The following NEGR1 variants were observed in gnomAD, a reference collection of about 807,000 sequenced individuals.
The protein encoded by NEGR1 is neuronal growth regulator 1, also known as IgLON family member 4.
In NEGR1, 10 loss-of-function variants were observed where a neutral mutation model predicts 40.9. The ratio of observed to expected loss-of-function variants is 0.24; its 90% CI spans 0.15 to 0.42. The LOEUF (loss-of-function observed/expected upper bound fraction) is 0.42, where lower values mean the gene tolerates loss of function less well. Ranked by LOEUF, NEGR1 falls within the 10% of genes least tolerant of loss-of-function variation. The pLI, the probability that NEGR1 is intolerant of heterozygous loss-of-function variation, is 1.00. For synonymous variants in NEGR1, 185 were observed against 166.8 expected (o/e 1.11, Z -0.84); for missense variants, 352 against 438.9 (o/e 0.80, Z 1.77).
rs74847442 is a variant in NEGR1, at chr1:72,114,947, A to T, written c.176+167372T>A. On this transcript the variant is annotated intron_variant, in intron 1 of 6. Transcript: ENST00000357731. ...TTTTTGAACAAAGTTGAGTATTGTA[A>T]CAAGACACCGTGTTATATTTGTCAC... Among the ~76,000 whole-genome samples, 969 of 151,876 alleles carry T rather than the reference A, an allele frequency of 6.4e-3. 12 individuals are homozygous for T. The highest frequency in any genetic ancestry group is 0.022 in the African/African-American group (926 of 41,502).
Position 71,592,879 on chromosome 1 carries a change from C to T in NEGR1, c.878G>A (p.Gly293Asp). Residue 293 changes from glycine (G) to aspartate (D), a missense_variant, in exon 6 of 7, where the codon GGC becomes GAC. This residue lies in a region of NEGR1 where 184 missense variants were observed against 208.7 expected (regional missense o/e 0.88). Transcript: ENST00000357731. ...GTTGGCAGCCACACAGGTATAATTG[C>T]CGAAGTGCTCCTGTGTCACGTTGGT... Reference protein sequence around the residue: ...TVTNVTQEHFGNYTCVAANKL... With the variant: ...TVTNVTQEHFDNYTCVAANKL... 1 of 1,612,766 alleles carries T rather than the reference C, an allele frequency of 6.2e-7. No homozygotes were observed.
intron 2 of NEGR1, among the ~76,000 whole-genome samples, chr1:71,872,619 C>A (rs1428085204): frequency 4.6e-5 from 7 of 152,178 alleles, no homozygotes; most frequent in African/African-American, 1.7e-4. Flanking sequence ...GGACATGCAA[C>A]ATGAGCAAGA....
chr1:72,125,776 G>C (rs1416700321), intron 1 of NEGR1, among the ~76,000 whole-genome samples: 2 of 152,016 alleles, frequency 1.3e-5, no homozygotes, highest in African/African-American at 4.8e-5. Context: ...TTTTGAATTG[G>C]ACAGACCCTC....
At chr1:72,055,310 T>C (rs1431172020) in intron 1 of NEGR1, among the ~76,000 whole-genome samples, 1 of 151,234 alleles carries the variant, frequency 6.6e-6, no homozygotes, top group African/African-American at 2.4e-5. Context: ...ACAAGGCATT[T>C]ACAGTTAGTT....
chr1:72,153,439 A>G (rs1651242318), intron 1 of NEGR1, among the ~76,000 whole-genome samples: 1 of 151,950 alleles, frequency 6.6e-6, no homozygotes, highest in South Asian at 2.1e-4. Context: ...ACAAAGACCC[A>G]AGTTAAAAAC....
chr1:71,637,145 T>A (rs1651181264), intron 4 of NEGR1, among the ~76,000 whole-genome samples: 1 of 152,078 alleles, frequency 6.6e-6, no homozygotes, highest in Admixed American at 6.6e-5. Flanking sequence ...TTAGCACATA[T>A]CATTGATTTG....
chr1:71,543,820 A>C (rs1020752300), intron 6 of NEGR1, among the ~76,000 whole-genome samples: 4 of 151,740 alleles, frequency 2.6e-5, no homozygotes, highest in African/African-American at 9.7e-5. Context: ...TACATCTTTC[A>C]GTGAAGAAAG....
intron 1 of NEGR1, among the ~76,000 whole-genome samples, chr1:72,145,314 A>G (rs1489258919): frequency 6.6e-6 from 1 of 152,144 alleles, no homozygotes. Flanking sequence ...TGACTTCATT[A>G]AAGTATTCCC....
At chr1:72,098,702 T>C (rs1648808872) in intron 1 of NEGR1, among the ~76,000 whole-genome samples, 1 of 152,172 alleles carries the variant, frequency 6.6e-6, no homozygotes, top group African/African-American at 2.4e-5. Context: ...TTTTCCTTAC[T>C]GAACTAAATC....
At chr1:71,898,829 T>C (rs1023143653) in intron 2 of NEGR1, among the ~76,000 whole-genome samples, 1 of 145,564 alleles carries the variant, frequency 6.9e-6, no homozygotes, top group African/African-American at 2.6e-5. Flanking sequence ...TACATATATA[T>C]AAAAGAAAAA....
At chr1:71,768,490 C>T (rs985354572) in intron 3 of NEGR1, among the ~76,000 whole-genome samples, 6 of 152,106 alleles carry the variant, frequency 3.9e-5, no homozygotes, top group East Asian at 3.9e-4. Flanking sequence ...GGAGTATTTA[C>T]GCAATGCCTA....
At chr1:72,236,865 T>C (rs527840068) in intron 1 of NEGR1, among the ~76,000 whole-genome samples, 202 of 152,044 alleles carry the variant, frequency 1.3e-3, no homozygotes, top group African/African-American at 4.7e-3. Context: ...CTGTTAAGAG[T>C]CAAGTGACTG....
chr1:71,527,442 TCC>T (rs1165584119), intron 6 of NEGR1, among the ~76,000 whole-genome samples: 12 of 151,186 alleles, frequency 7.9e-5, no homozygotes, highest in African/African-American at 2.9e-4. Flanking sequence ...CATCCATCCA[TCC>T]ATCCATGGGT....
At chr1:71,492,584 TA>T (rs1221610121) in intron 6 of NEGR1, among the ~76,000 whole-genome samples, 4 of 152,212 alleles carry the variant, frequency 2.6e-5, no homozygotes, top group Non-Finnish European at 4.4e-5. Flanking sequence ...AGCTTCTTGT[TA>T]TTTTTTTCTC....
At chr1:71,932,098 C>G (rs1227567581) in intron 2 of NEGR1, among the ~76,000 whole-genome samples, 1 of 151,862 alleles carries the variant, frequency 6.6e-6, no homozygotes, top group Non-Finnish European at 1.5e-5. Flanking sequence ...TTGCTCAGCT[C>G]CATTGGATAA....
intron 1 of NEGR1, among the ~76,000 whole-genome samples, chr1:71,994,174 C>T (rs1321287542): frequency 6.6e-6 from 1 of 152,126 alleles, no homozygotes; most frequent in East Asian, 1.9e-4. Context: ...TGTGGAAATG[C>T]AACCATGTCT....
intron 6 of NEGR1, among the ~76,000 whole-genome samples, chr1:71,544,837 A>G (rs886550789): frequency 6.6e-6 from 1 of 151,594 alleles, no homozygotes; most frequent in Non-Finnish European, 1.5e-5. Flanking sequence ...GAAAGAATGG[A>G]AACTTGGAAA....
chr1:71,917,484 T>A (rs2101879211), intron 2 of NEGR1, among the ~76,000 whole-genome samples: 1 of 152,294 alleles, frequency 6.6e-6, no homozygotes, highest in South Asian at 2.1e-4. Context: ...TTTTTTTAAC[T>A]ACATGCAAAT....
intron 1 of NEGR1, among the ~76,000 whole-genome samples, chr1:72,068,630 G>GTGTTT (rs1557510508): frequency 2.0e-5 from 3 of 152,108 alleles, no homozygotes; most frequent in African/African-American, 7.2e-5. Flanking sequence ...TTCTACCTCA[G>GTGTTT]TGTTTTAAAA....
Sources: gnomAD v4.1 joint callset for allele counts (sites outside exome capture counted in the v4.1 genomes callset) on GRCh38, gnomAD v4.1.1 for gene constraint, gnomAD v4.1.1 regional missense constraint, MANE v1.5 for transcripts, NCBI Gene and HGNC (gene_info 2026-07-23, HGNC 2026-07-21) for gene names.